Variants in FTCDNL1 observed in about 807,000 individuals in gnomAD.
FTCDNL1 encodes the protein formiminotransferase cyclodeaminase N-terminal like, also known as formiminotransferase N-terminal subdomain-containing protein.
A neutral mutation model predicts 5.9 loss-of-function variants in FTCDNL1; 11 were observed. The ratio of observed to expected loss-of-function variants is 1.87; its 90% confidence interval spans 1.18 to 3.10. The LOEUF is 3.10. Ranked by LOEUF, FTCDNL1 falls within the 30% of genes most tolerant of loss-of-function variation. FTCDNL1 has a pLI of 0.00. For missense variants in FTCDNL1, 115 were observed against 65.5 expected, an observed-to-expected ratio of 1.76 and a Z score of -2.61; for synonymous variants, 58 against 24.8, an observed-to-expected ratio of 2.34 and a Z score of -3.99.
the FTCDNL1 span, among the ~76,000 whole-genome samples, chr2:199,696,136 C>T: frequency 6.6e-6 from 1 of 152,224 alleles, no homozygotes; most frequent in Non-Finnish European, 1.5e-5. Flanking sequence ...GCTTCCCACA[C>T]CACTTTTCCA....
At chr2:199,697,322 T>C in the FTCDNL1 span, among the ~76,000 whole-genome samples, 6 of 151,926 alleles carry the variant, frequency 3.9e-5, no homozygotes, top group South Asian at 2.1e-4. Flanking sequence ...CCAAGACACA[T>C]AGTGATCAGA....
chr2:199,724,262 G>C, the FTCDNL1 span, among the ~76,000 whole-genome samples: 1 of 151,844 alleles, frequency 6.6e-6, no homozygotes, highest in Non-Finnish European at 1.5e-5. Flanking sequence ...GTGTCCATTT[G>C]ATTCTTCTCT....
At chr2:199,692,246 G>A in the FTCDNL1 span, among the ~76,000 whole-genome samples, 1 of 152,034 alleles carries the variant, frequency 6.6e-6, no homozygotes, top group Non-Finnish European at 1.5e-5. Flanking sequence ...CTAAGCAGGG[G>A]GCAGAGAAGA....
intron 3 of FTCDNL1, among the ~76,000 whole-genome samples, chr2:199,801,409 G>T (rs969467793): frequency 1.3e-5 from 2 of 152,116 alleles, no homozygotes; most frequent in Non-Finnish European, 2.9e-5. Context: ...CACTTTGGGA[G>T]GCCCAAGCAG....
the FTCDNL1 span, among the ~76,000 whole-genome samples, chr2:199,718,590 G>A: frequency 1.3e-5 from 2 of 152,020 alleles, no homozygotes; most frequent in Non-Finnish European, 2.9e-5. Context: ...TGAATCTAAT[G>A]GTAGTTTTAT....
chr2:199,780,300 C>T (rs1699301199), intron 3 of FTCDNL1, among the ~76,000 whole-genome samples: 1 of 152,154 alleles, frequency 6.6e-6, no homozygotes, highest in African/African-American at 2.4e-5. Flanking sequence ...AAGAAATTGA[C>T]CAAGGGCAAA....
At chr2:199,696,864 G>C in the FTCDNL1 span, among the ~76,000 whole-genome samples, 1 of 152,156 alleles carries the variant, frequency 6.6e-6, no homozygotes, top group African/African-American at 2.4e-5. Context: ...AGATTATTGA[G>C]ATTCAGGAGA....
chr2:199,716,876 A>C, the FTCDNL1 span, among the ~76,000 whole-genome samples: 1 of 152,208 alleles, frequency 6.6e-6, no homozygotes. Flanking sequence ...GCTATGGTTC[A>C]AAAGAGACAT....
At chr2:199,686,012 T>C in the FTCDNL1 span, among the ~76,000 whole-genome samples, 12 of 152,206 alleles carry the variant, frequency 7.9e-5, no homozygotes, top group Non-Finnish European at 1.6e-4. Context: ...GAAATGAGTA[T>C]ACTCTTTGGG....
At chr2:199,809,118 T>C (rs1174285043), downstream of FTCDNL1, among the ~76,000 whole-genome samples, 2 of 152,160 alleles carry the variant, frequency 1.3e-5, no homozygotes, top group Non-Finnish European at 2.9e-5. Context: ...TTCGTTGTAA[T>C]CATATTGACA....
downstream of FTCDNL1, among the ~76,000 whole-genome samples, chr2:199,805,567 G>T (rs957185565): frequency 2.6e-5 from 4 of 151,852 alleles, no homozygotes; most frequent in Non-Finnish European, 4.4e-5. Context: ...GGTGAAACCC[G>T]TCTCTACCAA....
the FTCDNL1 span, among the ~76,000 whole-genome samples, chr2:199,752,855 T>TGAGA: frequency 2.8e-5 from 3 of 107,376 alleles, no homozygotes; most frequent in Non-Finnish European, 6.3e-5. Context: ...AGACAGACAA[T>TGAGA]GAGAGAGAGA....
At chr2:199,678,782 A>G in the FTCDNL1 span, among the ~76,000 whole-genome samples, 1 of 152,140 alleles carries the variant, frequency 6.6e-6, no homozygotes, top group African/African-American at 2.4e-5. Context: ...AAAAAACTCT[A>G]TAAACATAAT....
the FTCDNL1 span, among the ~76,000 whole-genome samples, chr2:199,687,911 A>G: frequency 1.3e-5 from 2 of 152,116 alleles, 1 homozygote; most frequent in South Asian, 4.2e-4. Flanking sequence ...TCACTTGCCC[A>G]GTGTTACATA....
intron 3 of FTCDNL1, among the ~76,000 whole-genome samples, chr2:199,789,022 C>T (rs77131187): frequency 0.022 from 3,169 of 141,808 alleles, 39 homozygotes; most frequent in African/African-American, 0.031. Flanking sequence ...GCTATCATTA[C>T]GAAAAAAAAA....
the FTCDNL1 span, among the ~76,000 whole-genome samples, chr2:199,682,680 C>T: frequency 6.6e-6 from 1 of 152,084 alleles, no homozygotes; most frequent in African/African-American, 2.4e-5. Context: ...AGAAATTTTG[C>T]AATTAGCAAC....
At chr2:199,792,005 T>G (rs893941528) in intron 3 of FTCDNL1, among the ~76,000 whole-genome samples, 2 of 152,116 alleles carry the variant, frequency 1.3e-5, no homozygotes, top group African/African-American at 2.4e-5. Flanking sequence ...GAAAATAATA[T>G]GTAAATAAAT....
intron 3 of FTCDNL1, among the ~76,000 whole-genome samples, chr2:199,824,935 A>G (rs1450271728): frequency 6.6e-6 from 1 of 152,048 alleles, no homozygotes; most frequent in African/African-American, 2.4e-5. Flanking sequence ...CTCAGGAGTT[A>G]GAGACCAACC....
At chr2:199,835,828 G>A (rs549249328) in intron 3 of FTCDNL1, among the ~76,000 whole-genome samples, 1 of 152,242 alleles carries the variant, frequency 6.6e-6, no homozygotes, top group South Asian at 2.1e-4. Flanking sequence ...CAAACTCTGA[G>A]TGTTGTAGAT....
Sources: gnomAD v4.1 joint callset for allele counts (sites outside exome capture counted in the v4.1 genomes callset) on GRCh38, gnomAD v4.1.1 for gene constraint, MANE v1.5 for transcripts, NCBI Gene and HGNC (gene_info 2026-07-23, HGNC 2026-07-21) for gene names.